Variants in RPS6KA2 observed in about 807,000 individuals in gnomAD.
The protein encoded by RPS6KA2 is ribosomal protein S6 kinase A2.
A neutral mutation model predicts 91.8 loss-of-function variants in RPS6KA2; 42 were observed. The ratio of observed to expected loss-of-function variants is 0.46; its 90% CI spans 0.36 to 0.59. The LOEUF is 0.59. Among genes scored for constraint, RPS6KA2 ranks in the 20% least tolerant of loss-of-function variants. RPS6KA2 has a pLI of 0.00. For synonymous variants in RPS6KA2, 414 were observed against 393.6 expected (o/e 1.05, Z -0.61); for missense variants, 798 against 978.5 (o/e 0.82, Z 2.46).
Position 166,754,212 on chromosome 6 carries a change from A to G in RPS6KA2, c.123+103988T>C, listed in dbSNP as rs112645017. Among the ~76,000 whole-genome samples the G allele has an allele frequency of 8.6e-3, 1,303 of 152,344 alleles. 22 individuals carry two copies. Among genetic ancestry groups the G allele is most frequent in the African/African-American group, 0.029 (1,224 of 41,568 alleles). Reference sequence around the variant, plus strand: ...ACAAAAGCTACCAGTTTTAAAAACAACTGACAGTGTTTTAAAACTTAGGCT... The same window carrying G: ...ACAAAAGCTACCAGTTTTAAAAACAGCTGACAGTGTTTTAAAACTTAGGCT... On this transcript the variant is annotated intron_variant, in intron 2 of 21. Coordinates refer to the RPS6KA2 transcript ENST00000503859.
At chr6:166,564,951 C>CATGA (rs1172879182) in intron 1 of RPS6KA2, among the ~76,000 whole-genome samples, 4 of 152,184 alleles carry the variant, frequency 2.6e-5, no homozygotes, top group African/African-American at 4.8e-5. Flanking sequence ...ATCTGTGGGC[C>CATGA]ATGAATGTGT....
rs1001823361 is a variant in RPS6KA2, at chr6:166,612,688, C to T, written c.99+14233G>A. Among the ~76,000 whole-genome samples, 4 of 152,160 alleles carry T rather than the reference C, an allele frequency of 2.6e-5. No homozygotes were observed. The highest frequency in any genetic ancestry group is 4.4e-5 in the Non-Finnish European group (3 of 68,034). On this transcript the variant is annotated intron_variant, in intron 1 of 20. Coordinates refer to ENST00000265678, the MANE Select transcript of RPS6KA2 (RefSeq NM_021135.6). This position sits in a 1 kb window ranked among gnomAD's most constrained non-coding sequence, Gnocchi z 4.3. Reference sequence around the variant, plus strand: ...CCGGGCGTCTGTTGTTACCCATGCTCGGGTAGGAAAATGCTGAGTGAAGGT... The same window carrying T: ...CCGGGCGTCTGTTGTTACCCATGCTTGGGTAGGAAAATGCTGAGTGAAGGT...
At chr6:166,450,643 G>A (rs1269670869) in intron 13 of RPS6KA2, among the ~76,000 whole-genome samples, 1 of 143,870 alleles carries the variant, frequency 7.0e-6, no homozygotes, top group South Asian at 2.2e-4. Context: ...CCACCCCAGG[G>A]ACCACCCTGG....
chr6:166,518,251 CAA>C (rs11373431), intron 3 of RPS6KA2, among the ~76,000 whole-genome samples: 10,799 of 87,156 alleles, frequency 0.12, 410 homozygotes, highest in East Asian at 0.25. Context: ...AACACTGCCT[CAA>C]AAAAAAAAAA....
rs971123558 is a variant in RPS6KA2, at chr6:166,639,349, C to T, written c.124-100565G>A. Among the ~76,000 whole-genome samples the T allele has an allele frequency of 2.6e-5, 4 of 152,296 alleles. No homozygotes were observed. Among genetic ancestry groups the T allele is most frequent in the Middle Eastern group, 3.4e-3 (1 of 292 alleles). Reference sequence around the variant, plus strand: ...AACTGTGCCTTCTACATGTTTTCCCCGTCTTGCCTTCTTTCCAACCCTGCC... The same window carrying T: ...AACTGTGCCTTCTACATGTTTTCCCTGTCTTGCCTTCTTTCCAACCCTGCC... On this transcript the variant is annotated intron_variant, in intron 2 of 21. Transcript: ENST00000503859. The surrounding 1 kb of genome is among the most constrained non-coding windows in gnomAD (Gnocchi z 4.2).
At position 166,500,902 on chromosome 6, in the gene RPS6KA2, G is replaced by T; in HGVS notation, c.589C>A (p.His197Asn). The change falls in exon 7 of 21, where the codon CAC becomes AAC. Residue 197 changes from histidine (H) to asparagine (N), a missense_variant. Coordinates refer to ENST00000265678, the MANE Select transcript of RPS6KA2 (RefSeq NM_021135.6). The surrounding 1 kb of genome is among the most constrained non-coding windows in gnomAD (Gnocchi z 4.3). Reference protein sequence around the residue: ...PENILLDEEGHIKITDFGLSK... With the variant: ...PENILLDEEGNIKITDFGLSK... Reference sequence around the variant, plus strand: ...TTTTACAAACCTGTGATCTTAATGTGCCCCTCTTCATCCAGGAGGATGCTA... The same window carrying T: ...TTTTACAAACCTGTGATCTTAATGTTCCCCTCTTCATCCAGGAGGATGCTA... The T allele has an allele frequency of 6.2e-7, 1 of 1,613,962 alleles. No homozygotes were observed. Among genetic ancestry groups the T allele is most frequent in the Non-Finnish European group, 8.5e-7 (1 of 1,179,884 alleles).
intron 2 of RPS6KA2, among the ~76,000 whole-genome samples, chr6:166,636,270 G>C (rs1787238816): frequency 6.6e-6 from 1 of 152,126 alleles, no homozygotes; most frequent in Admixed American, 6.5e-5. Context: ...TTGGCTTCCA[G>C]CTTGAATCAG....
chr6:166,572,483 C>A (rs1784717973), intron 1 of RPS6KA2, among the ~76,000 whole-genome samples: 1 of 152,378 alleles, frequency 6.6e-6, no homozygotes, highest in African/African-American at 2.4e-5. Context: ...AGAAACCACA[C>A]AAGTGGCTGG....
intron 12 of RPS6KA2, 98 bp from the exon 13 acceptor site, chr6:166,451,331 C>CTGTGTG (rs1562502725): frequency 2.6e-6 from 3 of 1,153,382 alleles, no homozygotes; most frequent in African/African-American, 4.6e-5. Context: ...GTGTGCAAGT[C>CTGTGTG]CGTGTGTGTG....
intron 10 of RPS6KA2, among the ~76,000 whole-genome samples, chr6:166,480,510 T>C (rs1371256265): frequency 7.8e-6 from 1 of 127,404 alleles, no homozygotes; most frequent in Admixed American, 7.8e-5. Flanking sequence ...TATATATATA[T>C]ATATAATATA....
At chr6:166,792,675 C>G (rs1403867432) in intron 2 of RPS6KA2, among the ~76,000 whole-genome samples, 3 of 152,214 alleles carry the variant, frequency 2.0e-5, no homozygotes, top group Non-Finnish European at 4.4e-5. Flanking sequence ...TTGGCTTCAT[C>G]CCTAGGATGC....
Position 166,755,020 on chromosome 6 carries a change from C to T in RPS6KA2, c.123+103180G>A, listed in dbSNP as rs557225078. ...GACCCCTTCCAGCTTCCAGATTCCA[C>T]GAGCCCCTCCTCGTAACCTGGAACA... On this transcript the variant is annotated intron_variant, in intron 2 of 21. Coordinates refer to the RPS6KA2 transcript ENST00000503859. Among the ~76,000 whole-genome samples, 7 of 152,308 alleles carry T rather than the reference C, an allele frequency of 4.6e-5. No homozygotes were observed. The South Asian group carries it at 6.2e-4, about 14-fold the overall frequency.
At position 166,745,216 on chromosome 6, in the gene RPS6KA2, A is replaced by G. The variant is rs540451514; in HGVS notation, c.123+112984T>C. ...GCCCAGGCTGGAGTGCAGTGGCGCC[A>G]TCTCGGCTCACTGCAACCTCTGCCT... On this transcript the variant is annotated intron_variant, in intron 2 of 21. Transcript: ENST00000503859. 5.0e-5 allele frequency among the ~76,000 whole-genome samples: 7 copies of G among 140,666 alleles called. No homozygotes were observed. In the South Asian group the frequency reaches 1.6e-3, roughly 32 times the overall value. The allele number at this position is 140,666 out of a possible 152,430, so 92.3% of individuals were successfully genotyped here. A position where few individuals can be genotyped will look rare whatever the true frequency, so the allele number is the denominator to read the frequency against.
At position 166,639,676 on chromosome 6, in the gene RPS6KA2, G is replaced by A. The variant is rs145160957; in HGVS notation, c.124-100892C>T. Reference sequence around the variant, plus strand: ...TAAGAAGATGAACTGTGGTGTCTCCGTGACATCATTCACGCAGTGGCCACG... The same window carrying A: ...TAAGAAGATGAACTGTGGTGTCTCCATGACATCATTCACGCAGTGGCCACG... On this transcript the variant is annotated intron_variant, in intron 2 of 21. Transcript: ENST00000503859. The surrounding 1 kb of genome is among the most constrained non-coding windows in gnomAD (Gnocchi z 4.2). 6.6e-5 allele frequency among the ~76,000 whole-genome samples: 10 copies of A among 152,178 alleles called. No homozygotes were observed. The highest frequency in any genetic ancestry group is 6.2e-4 in the South Asian group (3 of 4,818).
chr6:166,699,118 G>A (rs892599329), intron 2 of RPS6KA2, among the ~76,000 whole-genome samples: 4 of 152,174 alleles, frequency 2.6e-5, no homozygotes, highest in Non-Finnish European at 4.4e-5. Context: ...CAACTAAGAG[G>A]AGAGGAGAGG....
chr6:166,845,901 A>G (rs1016120053), intron 2 of RPS6KA2, among the ~76,000 whole-genome samples: 2 of 152,184 alleles, frequency 1.3e-5, no homozygotes, highest in East Asian at 3.8e-4. Flanking sequence ...AGAAAATACA[A>G]AAATTAAATG....
rs1349982647 is a variant in RPS6KA2 at position 166,557,637 on chromosome 6, C to T, written c.100-18853G>A. 6.6e-6 allele frequency among the ~76,000 whole-genome samples: 1 copy of T among 152,022 alleles called. No individual in the cohort carries two copies. Among genetic ancestry groups the T allele is most frequent in the Admixed American group, 6.6e-5 (1 of 15,262 alleles). On this transcript the variant is annotated intron_variant, in intron 1 of 20. Transcript: ENST00000265678. The surrounding 1 kb of genome is among the most constrained non-coding windows in gnomAD (Gnocchi z 4.8). The stretch of plus-strand genomic sequence containing the variant: ...AAAATGTTTTAATGAAGTATTATAC[C>T]ACATAATAGATATATAGAAAAGTCC...
chr6:166,471,013 C>T (rs12660441), intron 10 of RPS6KA2, among the ~76,000 whole-genome samples: 22,686 of 152,062 alleles, frequency 0.15, 2,035 homozygotes, highest in East Asian at 0.41. Context: ...CTGCCAGCTC[C>T]GGGCCCAGGG....
chr6:166,701,735 G>A, intron 2 of RPS6KA2: 3 of 1,295,386 alleles, frequency 2.3e-6, no homozygotes, highest in Admixed American at 1.7e-5. Flanking sequence ...TTTAATCCAG[G>A]AATTAAATGT....
Sources: allele counts gnomAD v4.1 joint callset (sites outside exome capture counted in the v4.1 genomes callset), GRCh38; gene constraint gnomAD v4.1.1; non-coding constraint Gnocchi (gnomAD v3.1); transcripts MANE v1.5; gene names NCBI Gene and HGNC (gene_info 2026-07-23, HGNC 2026-07-21).